The following TMEM183A variants were observed in gnomAD, a reference collection of about 807,000 sequenced individuals.
TMEM183A encodes the protein transmembrane protein 183A.
TMEM183A carries 21 observed loss-of-function variants against 46.7 expected under a neutral mutation model. The ratio of observed to expected loss-of-function variants is 0.45; its 90% CI spans 0.32 to 0.65. TMEM183A has a LOEUF of 0.65. Among genes scored for constraint, TMEM183A ranks in the 30% least tolerant of loss-of-function variants. The probability of loss-of-function intolerance (pLI) is 0.04; values close to 1 mark genes in which losing one functional copy is unlikely to be tolerated. For missense variants in TMEM183A, 331 were observed against 481.9 expected, an observed-to-expected ratio of 0.69 and a Z score of 2.93; for synonymous variants, 165 against 180.2, an observed-to-expected ratio of 0.92 and a Z score of 0.68.
chr1:203,007,896 C>T (rs1656132681), intron 2 of TMEM183A, 33 bp downstream of exon 2: 1 of 1,612,242 alleles, frequency 6.2e-7, no homozygotes, highest in East Asian at 2.2e-5. Context: ...AAGACTCATG[C>T]CGCGAAGACA....
Position 203,008,825 on chromosome 1 carries a change from C to T in TMEM183A, c.367+15C>T, listed in dbSNP as rs1212776739. 1 of 1,581,146 alleles carries T rather than the reference C, an allele frequency of 6.3e-7. No individual in the cohort carries two copies. Among genetic ancestry groups the T allele is most frequent in the Non-Finnish European group, 8.6e-7 (1 of 1,165,248 alleles). ...GAGACACAAAGGTATGGAGCTTGTTCTCTTTTGGTTTATTAGACCTGCCTG... is the reference window on the plus strand; with the variant it reads ...GAGACACAAAGGTATGGAGCTTGTTTTCTTTTGGTTTATTAGACCTGCCTG... On this transcript the variant is annotated intron_variant, in intron 3 of 7. Transcript: ENST00000367242.
chr1:203,007,882 T>G lies in TMEM183A; in HGVS notation c.199+19T>G. The stretch of plus-strand genomic sequence containing the variant: ...CAGGAAGGTAAGCTTTGCGCGAGCC[T>G]TTAAAGACTCATGCCGCGAAGACAG... On this transcript the variant is annotated intron_variant, in intron 2 of 7. Transcript: ENST00000367242. 1 of 1,613,706 alleles carries G rather than the reference T, an allele frequency of 6.2e-7. No homozygotes were observed.
At position 203,008,789 on chromosome 1, in the gene TMEM183A, A is replaced by G. The variant is rs778992798; in HGVS notation, c.346A>G (p.Lys116Glu). The change falls in exon 3 of 8, where the codon AAG becomes GAG. Residue 116 changes from lysine to glutamate, a missense_variant. This residue lies in a region of TMEM183A where 233 missense variants were observed against 385.8 expected (regional missense o/e 0.60). Transcript: ENST00000367242. ...CCATGAGAGAACTGTCTCCAGAAAAAAGAAAAGCAAGAGACACAAAGGTAT... is the reference window on the plus strand; with the variant it reads ...CCATGAGAGAACTGTCTCCAGAAAAGAGAAAAGCAAGAGACACAAAGGTAT... ...SIHERTVSRK[K>E]KSKRHKEELD... The G allele has an allele frequency of 6.2e-7, 1 of 1,607,196 alleles. No homozygotes were observed. The highest frequency in any genetic ancestry group is 1.1e-5 in the South Asian group (1 of 89,946).
chr1:203,010,313 A>G (rs563789396), intron 3 of TMEM183A, among the ~76,000 whole-genome samples: 1 of 152,298 alleles, frequency 6.6e-6, no homozygotes, highest in East Asian at 1.9e-4. Flanking sequence ...TATTCTAGTT[A>G]TTGTTAGTCA....
intron 1 of TMEM183A, 98 bp downstream of exon 1, chr1:203,007,672 G>T: frequency 1.3e-6 from 2 of 1,549,800 alleles, no homozygotes; most frequent in East Asian, 2.4e-5. Flanking sequence ...CCCGCGGCTG[G>T]AGGGCGGCTC....
At chr1:203,015,933 T>C in intron 4 of TMEM183A, 27 bp from the exon 5 acceptor site, 2 of 1,607,090 alleles carry the variant, frequency 1.2e-6, no homozygotes, top group Non-Finnish European at 1.7e-6. Context: ...GGTCACATAT[T>C]GGTAGGAGTA....
intron 6 of TMEM183A, 38 bp downstream of exon 6, chr1:203,018,599 G>T (rs1657390165): frequency 1.3e-6 from 2 of 1,590,520 alleles, no homozygotes; most frequent in East Asian, 2.2e-5. Flanking sequence ...ATAATACCTT[G>T]TTCTAAGAGA....
At chr1:203,012,942 A>C (rs1204420967) in intron 3 of TMEM183A, among the ~76,000 whole-genome samples, 1 of 151,918 alleles carries the variant, frequency 6.6e-6, no homozygotes, top group East Asian at 1.9e-4. Context: ...CCGATCTCGA[A>C]CTCCTGGGCT....
Position 203,023,137 on chromosome 1 carries a change from T to A in TMEM183A, c.*97T>A, listed in dbSNP as rs1235423073. The A allele has an allele frequency of 3.1e-5, 20 of 651,260 alleles. 1 individual carries two copies. Among genetic ancestry groups the A allele is most frequent in the Non-Finnish European group, 4.8e-5 (19 of 391,842 alleles). The allele number at this position is 651,260 out of a possible 1,614,324, so 40.3% of individuals were successfully genotyped here. A position where few individuals can be genotyped will look rare whatever the true frequency, so the allele number is the denominator to read the frequency against. Reference sequence around the variant, plus strand: ...GTGGCTGGATTGTATATCTCGTTAGTAATGTACATGCTCTTCAGGTTCTAG... The same window carrying A: ...GTGGCTGGATTGTATATCTCGTTAGAAATGTACATGCTCTTCAGGTTCTAG... On this transcript the variant is annotated 3_prime_UTR_variant, in exon 8 of 8. Coordinates refer to ENST00000367242, the MANE Select transcript of TMEM183A (RefSeq NM_138391.6).
At chr1:203,007,959 TA>T (rs1656142906) in intron 2 of TMEM183A, 96 bp downstream of exon 2, 1 of 1,473,896 alleles carries the variant, frequency 6.8e-7, no homozygotes, top group African/African-American at 1.4e-5. Flanking sequence ...CGTCTTCCTG[TA>T]ACCGTGTTTG....
Position 203,020,684 on chromosome 1 carries a change from A to G in TMEM183A, c.790-109A>G. 2.2e-6 allele frequency: 3 copies of G among 1,348,090 alleles called. No homozygotes were observed. The South Asian group carries it at 4.0e-5, about 18-fold the overall frequency. The allele number at this position is 1,348,090 out of a possible 1,614,324, so 83.5% of individuals were successfully genotyped here. A position where few individuals can be genotyped will look rare whatever the true frequency, so the allele number is the denominator to read the frequency against. On this transcript the variant is annotated intron_variant, in intron 6 of 7. Transcript: ENST00000367242. ...GAAACATGTATAAAGAGAGAAGATA[A>G]AAGTGTATCTCACTAGCTTTAGTTG...
intron 6 of TMEM183A, 114 bp from the exon 7 acceptor site, chr1:203,020,679 A>T (rs1239366039): frequency 2.3e-6 from 3 of 1,287,808 alleles, no homozygotes; most frequent in Non-Finnish European, 3.3e-6. Context: ...TAAAGAGAGA[A>T]GATAAAAGTG....
chr1:203,016,229 G>A, intron 5 of TMEM183A, 89 bp downstream of exon 5: 3 of 1,583,188 alleles, frequency 1.9e-6, no homozygotes, highest in Non-Finnish European at 2.6e-6. Context: ...CCTTGATGGG[G>A]AGGGGTGTAG....
Position 203,022,231 on chromosome 1 carries a change from C to T in TMEM183A, c.946-624C>T, listed in dbSNP as rs545353181. Among the ~76,000 whole-genome samples, 9 of 152,152 alleles carry T rather than the reference C, an allele frequency of 5.9e-5. No individual in the cohort carries two copies. In the South Asian group the frequency reaches 1.9e-3, roughly 32 times the overall value. On this transcript the variant is annotated intron_variant, in intron 7 of 7. Transcript: ENST00000367242. The stretch of plus-strand genomic sequence containing the variant: ...GGGATTACAGGTGCCTGCCACCACA[C>T]CCAGCTAATTTTTGTATTTTTGGTA...
intron 7 of TMEM183A, among the ~76,000 whole-genome samples, chr1:203,022,249 T>A (rs2102575772): frequency 6.6e-6 from 1 of 152,192 alleles, no homozygotes; most frequent in South Asian, 2.1e-4. Flanking sequence ...ATTTTTGTAT[T>A]TTTGGTAGAA....
intron 7 of TMEM183A, among the ~76,000 whole-genome samples, chr1:203,022,586 C>T (rs1294033537): frequency 1.3e-5 from 2 of 151,780 alleles, no homozygotes; most frequent in East Asian, 2.0e-4. Flanking sequence ...GCCTATATTC[C>T]TAGCTACTTG....
At chr1:203,015,642 C>G in intron 4 of TMEM183A, 1 of 266,854 alleles carries the variant, frequency 3.7e-6, no homozygotes, top group East Asian at 8.3e-5. Flanking sequence ...AACCTGGTGG[C>G]TCTTCGCCAG....
chr1:203,017,040 T>C (rs529640539), intron 5 of TMEM183A, among the ~76,000 whole-genome samples: 1 of 152,332 alleles, frequency 6.6e-6, no homozygotes, highest in African/African-American at 2.4e-5. Context: ...CTAATACATA[T>C]TAATTAAAAG....
intron 3 of TMEM183A, among the ~76,000 whole-genome samples, chr1:203,011,653 C>T (rs1656597889): frequency 6.6e-6 from 1 of 152,156 alleles, no homozygotes; most frequent in African/African-American, 2.4e-5. Context: ...CGGTGATCCA[C>T]CTGCCTCGGC....
Sources: allele counts gnomAD v4.1 joint callset (sites outside exome capture counted in the v4.1 genomes callset), GRCh38; gene constraint gnomAD v4.1.1; regional missense constraint gnomAD v4.1.1; transcripts MANE v1.5; gene names NCBI Gene and HGNC (gene_info 2026-07-23, HGNC 2026-07-21).